The following NFX1 variants were observed in gnomAD, a reference collection of about 807,000 sequenced individuals.
NFX1 encodes the protein nuclear transcription factor, X-box binding 1.
NFX1 carries 69 observed loss-of-function variants against 137.2 expected under a neutral mutation model. The ratio of observed to expected loss-of-function variants is 0.50; its 90% CI spans 0.41 to 0.61. NFX1 has a LOEUF of 0.61. Ranked by LOEUF, NFX1 falls within the 20% of genes least tolerant of loss-of-function variation. The probability of loss-of-function intolerance (pLI) is 0.00; values close to 1 mark genes in which losing one functional copy is unlikely to be tolerated. For missense variants in NFX1, 1,167 were observed against 1,391.0 expected, an observed-to-expected ratio of 0.84 and a Z score of 2.56; for synonymous variants, 495 against 474.1, an observed-to-expected ratio of 1.04 and a Z score of -0.57.
intron 19 of NFX1, among the ~76,000 whole-genome samples, chr9:33,360,591 A>C (rs1823956385): frequency 6.6e-6 from 1 of 152,228 alleles, no homozygotes; most frequent in Non-Finnish European, 1.5e-5. Context: ...ATTTAAAGAA[A>C]AGTCCATCTA....
At chr9:33,348,848 T>G in intron 15 of NFX1, 3 of 883,802 alleles carry the variant, frequency 3.4e-6, no homozygotes, top group Non-Finnish European at 4.1e-6. Flanking sequence ...GTTAAGATGA[T>G]ACTGTTTGCT....
At chr9:33,301,940 C>T (rs1054581076) in intron 3 of NFX1, among the ~76,000 whole-genome samples, 6 of 152,210 alleles carry the variant, frequency 3.9e-5, no homozygotes, top group South Asian at 2.1e-4. Flanking sequence ...GGCGTGGTGG[C>T]GGGCACCTGT....
chr9:33,355,369 C>G (rs1823774965), intron 19 of NFX1, among the ~76,000 whole-genome samples: 1 of 152,138 alleles, frequency 6.6e-6, no homozygotes, highest in Admixed American at 6.5e-5. Context: ...CTCTTGTACT[C>G]TACATAAAGG....
chr9:33,367,135 A>G (rs575863603), intron 22 of NFX1, among the ~76,000 whole-genome samples: 30 of 152,202 alleles, frequency 2.0e-4, no homozygotes, highest in Admixed American at 3.9e-4. Context: ...TCCTCTTGGC[A>G]TGGGGAAAAC....
In NFX1 at chr9:33,313,729, G is replaced by T. The variant is rs1822049801; in HGVS notation, c.1524G>T (p.Gln508His). 1 of 1,614,144 alleles carries T rather than the reference G, an allele frequency of 6.2e-7. No homozygotes were observed. Residue 508 changes from glutamine (Q) to histidine (H), a missense_variant, in exon 7 of 24, where the codon CAG (glutamine) becomes CAT (histidine). By Grantham distance (24) the Gln-to-His change is conservative. Transcript: ENST00000379540. ...NPCENILNCGQHQCAELCHGG... is the reference protein window; with the variant it reads ...NPCENILNCGHHQCAELCHGG... ...GTGAGAATATTTTGAACTGTGGTCA[G>T]CACCAGTGTGCTGAGCTGTGCCATG...
chr9:33,328,586 A>G lies in NFX1; in HGVS notation c.1912A>G (p.Ile638Val). ...KPLPCGSLDF[I>V]HTCEKLCHEG... Reference sequence around the variant, plus strand: ...TCTTTTCGTTTTTATTAAAGATTTCATTCATACCTGTGAAAAGCTCTGCCA... The same window carrying G: ...TCTTTTCGTTTTTATTAAAGATTTCGTTCATACCTGTGAAAAGCTCTGCCA... The change falls in exon 10 of 24, where the codon ATT becomes GTT. Residue 638 changes from isoleucine to valine, a missense_variant. Coordinates refer to ENST00000379540, the MANE Select transcript of NFX1 (RefSeq NM_002504.6). 6.2e-7 allele frequency: 1 copy of G among 1,608,332 alleles called. No homozygotes were observed. Among genetic ancestry groups the G allele is most frequent in the Non-Finnish European group, 8.5e-7 (1 of 1,175,396 alleles).
At chr9:33,304,767 A>C (rs1275866959) in intron 4 of NFX1, among the ~76,000 whole-genome samples, 1 of 152,244 alleles carries the variant, frequency 6.6e-6, no homozygotes, top group Non-Finnish European at 1.5e-5. Context: ...TGAGGGAATA[A>C]ATATTCTTGA....
chr9:33,346,943 A>T, intron 14 of NFX1, 95 bp from the exon 15 acceptor site: 1 of 885,012 alleles, frequency 1.1e-6, no homozygotes, highest in Non-Finnish European at 1.7e-6. Context: ...TTCTGAATTT[A>T]AAAGTTTCAT....
chr9:33,369,937 ACCAAGGAG>A lies in NFX1; in HGVS notation c.3327_3334del (p.Lys1109AsnfsTer3), dbSNP rs768587816. The stretch of plus-strand genomic sequence containing the variant: ...TGGGAGCAGTAATTTACAGAAAATA[ACCAAGGAG>A]CCAATAATTGACTATTTTGACGTCC... On this transcript the variant is annotated frameshift_variant, in exon 24 of 24. Transcript: ENST00000379540. LOFTEE classifies it high-confidence loss of function. 6.2e-7 allele frequency: 1 copy of A among 1,613,726 alleles called. No homozygotes were observed. Among genetic ancestry groups the A allele is most frequent in the Non-Finnish European group, 8.5e-7 (1 of 1,179,678 alleles).
Position 33,354,070 on chromosome 9 carries a change from C to G in NFX1, c.2730-16C>G, listed in dbSNP as rs1296437893. 6.4e-7 allele frequency: 1 copy of G among 1,566,070 alleles called. No individual in the cohort carries two copies. The highest frequency in any genetic ancestry group is 1.2e-5 in the South Asian group (1 of 86,010). On this transcript the variant is annotated splice_polypyrimidine_tract_variant and intron_variant, in intron 17 of 23. Coordinates refer to ENST00000379540, the MANE Select transcript of NFX1 (RefSeq NM_002504.6). ...AACTGCAATGCCTCTTTTTCCCTTT[C>G]TTTTTTATATTTCAGAATAGCTGCA...
intron 13 of NFX1, among the ~76,000 whole-genome samples, chr9:33,343,677 A>G (rs1823307842): frequency 6.6e-6 from 1 of 152,202 alleles, no homozygotes; most frequent in South Asian, 2.1e-4. Context: ...TTACCCGTGC[A>G]TGATTTTATA....
At chr9:33,361,821 A>T (rs1237503420) in intron 19 of NFX1, among the ~76,000 whole-genome samples, 1 of 150,434 alleles carries the variant, frequency 6.6e-6, no homozygotes, top group Non-Finnish European at 1.5e-5. Context: ...ACATAGAGAG[A>T]AACGTTATAG....
chr9:33,351,835 G>A (rs1823649284), intron 16 of NFX1, 45 bp downstream of exon 16: 6 of 1,475,678 alleles, frequency 4.1e-6, no homozygotes, highest in Admixed American at 2.2e-5. Flanking sequence ...GTAGTTCTGA[G>A]GCTACTAGTG....
intron 4 of NFX1, among the ~76,000 whole-genome samples, chr9:33,305,852 C>T (rs556569768): frequency 1.3e-5 from 2 of 152,196 alleles, no homozygotes; most frequent in African/African-American, 2.4e-5. Context: ...GTCCAACAGG[C>T]AGGTAGCAAT....
chr9:33,308,955 T>C (rs1678674898), intron 5 of NFX1, among the ~76,000 whole-genome samples: 1 of 152,174 alleles, frequency 6.6e-6, no homozygotes, highest in African/African-American at 2.4e-5. Context: ...TGTGATCTGC[T>C]GGGCAGTCAG....
chr9:33,366,841 C>T lies in NFX1; in HGVS notation c.3185+67C>T. 2.6e-6 allele frequency: 4 copies of T among 1,538,686 alleles called. No homozygotes were observed. In the South Asian group the frequency reaches 4.7e-5, roughly 18 times the overall value. On this transcript the variant is annotated intron_variant, in intron 22 of 23. Transcript: ENST00000379540. Reference sequence around the variant, plus strand: ...GCAAACTGGACCCAAGAAGCAGGGTCTGTCAATACTTGTCTTTCTTACTAC... The same window carrying T: ...GCAAACTGGACCCAAGAAGCAGGGTTTGTCAATACTTGTCTTTCTTACTAC...
chr9:33,353,981 C>A, intron 17 of NFX1, 105 bp from the exon 18 acceptor site: 1 of 1,056,248 alleles, frequency 9.5e-7, no homozygotes, highest in Non-Finnish European at 1.3e-6. Flanking sequence ...TGAGCCACCA[C>A]ACCTGGCCTA....
At chr9:33,306,742 G>A (rs1587824762) in intron 4 of NFX1, among the ~76,000 whole-genome samples, 1 of 152,116 alleles carries the variant, frequency 6.6e-6, no homozygotes, top group African/African-American at 2.4e-5. Flanking sequence ...TCTGGAATAG[G>A]TGAGTTCCTG....
intron 19 of NFX1, among the ~76,000 whole-genome samples, chr9:33,356,168 A>G (rs184123192): frequency 8.2e-4 from 125 of 152,324 alleles, no homozygotes; most frequent in Admixed American, 2.5e-3. Context: ...AATTTTAGCC[A>G]TTTTGTAGAT....
Sources: gnomAD v4.1 joint callset for allele counts (sites outside exome capture counted in the v4.1 genomes callset) on GRCh38, gnomAD v4.1.1 for gene constraint, MANE v1.5 for transcripts, NCBI Gene and HGNC (gene_info 2026-07-23, HGNC 2026-07-21) for gene names.